ZNF536: variants seen among roughly 807,000 people sequenced by gnomAD.
ZNF536 encodes zinc finger protein 536.
Under a neutral mutation model 84.5 loss-of-function variants are expected in ZNF536, and 13 were observed. The observed-to-expected ratio is 0.15, with a 90% CI of 0.10 to 0.24. The LOEUF (loss-of-function observed/expected upper bound fraction) is 0.24. Ranked by LOEUF, ZNF536 falls within the 10% of genes least tolerant of loss-of-function variation. ZNF536 has a pLI of 1.00. For missense variants in ZNF536, 1,536 were observed against 1,747.5 expected (o/e 0.88, Z 2.16); for synonymous variants, 811 against 742.5 (o/e 1.09, Z -1.50).
rs1246164991 is a variant in ZNF536 at position 30,636,972 on chromosome 19, T to G, written c.170-73785T>G. ...CTCCTGGGCTGGATCCTTTCTGGAG[T>G]TCTTTGGGCTCTCCCACATCTCTAG... On this transcript the variant is annotated intron_variant, in intron 1 of 1. Coordinates refer to the ZNF536 transcript ENST00000592773. 2.6e-5 allele frequency among the ~76,000 whole-genome samples: 4 copies of G among 151,932 alleles called. No individual in the cohort carries two copies. In the East Asian group the frequency reaches 7.7e-4, roughly 29 times the overall value.
At chr19:30,622,101 G>C (rs1434262363) in intron 1 of ZNF536, among the ~76,000 whole-genome samples, 1 of 152,226 alleles carries the variant, frequency 6.6e-6, no homozygotes, top group East Asian at 1.9e-4. Flanking sequence ...GCAAGAGAGA[G>C]AGTTAGTTAT....
At chr19:30,328,956 G>T (rs1456730643) in intron 2 of ZNF536, among the ~76,000 whole-genome samples, 1 of 152,208 alleles carries the variant, frequency 6.6e-6, no homozygotes, top group African/African-American at 2.4e-5. Context: ...GAATTTTGCG[G>T]CATCATCAGA....
chr19:30,446,384 C>T (rs868780806), intron 2 of ZNF536, among the ~76,000 whole-genome samples: 9 of 151,944 alleles, frequency 5.9e-5, no homozygotes, highest in Admixed American at 1.3e-4. Context: ...CCCATTTCAC[C>T]GCCTGACGCT....
intron 2 of ZNF536, among the ~76,000 whole-genome samples, chr19:30,468,593 G>T (rs1339263947): frequency 6.6e-6 from 1 of 152,156 alleles, no homozygotes; most frequent in African/African-American, 2.4e-5. Flanking sequence ...TGGTGGTATG[G>T]ACTCTGCAGG....
intron 1 of ZNF536, among the ~76,000 whole-genome samples, chr19:30,280,288 A>C (rs191368083): frequency 6.9e-6 from 1 of 145,912 alleles, no homozygotes; most frequent in Non-Finnish European, 1.5e-5. Context: ...CCATTTTTGC[A>C]TCCATCTTCA....
In ZNF536 at chr19:30,495,840, C is replaced by A. The variant is rs2054697232; in HGVS notation, c.2171-39007C>A. On this transcript the variant is annotated intron_variant, in intron 2 of 4. Transcript: ENST00000355537. The stretch of plus-strand genomic sequence containing the variant: ...AGACACAACGCAGGGAAAGTCACAG[C>A]AAGAGACTCCAGTAGAGGCCGGGGA... Among the ~76,000 whole-genome samples, 5 of 152,148 alleles carry A rather than the reference C, an allele frequency of 3.3e-5. No individual in the cohort carries two copies. In the South Asian group the frequency reaches 1.0e-3, roughly 32 times the overall value.
chr19:30,563,783 G>C (rs1338068429), intron 1 of ZNF536, among the ~76,000 whole-genome samples: 2 of 152,168 alleles, frequency 1.3e-5, no homozygotes, highest in East Asian at 1.9e-4. Flanking sequence ...ACACAGGAGG[G>C]AGAGGTGCTG....
intron 2 of ZNF536, among the ~76,000 whole-genome samples, chr19:30,284,621 G>C (rs2045566842): frequency 6.6e-6 from 1 of 152,238 alleles, no homozygotes; most frequent in African/African-American, 2.4e-5. Context: ...GCAAACTCCT[G>C]ACGGGGTGTA....
intron 2 of ZNF536, among the ~76,000 whole-genome samples, chr19:30,482,051 A>G (rs1008451252): frequency 4.6e-5 from 7 of 152,158 alleles, no homozygotes; most frequent in Non-Finnish European, 4.4e-5. Context: ...CATTACCTTT[A>G]TACTTTCGTT....
At chr19:30,609,028 A>T (rs2047998405) in intron 1 of ZNF536, among the ~76,000 whole-genome samples, 1 of 152,208 alleles carries the variant, frequency 6.6e-6, no homozygotes. Context: ...GTTCACTACA[A>T]CATGGTAACT....
rs1180201847 is a variant in ZNF536, at chr19:30,408,673, G to A, written c.-2-34888G>A. Among the ~76,000 whole-genome samples the A allele has an allele frequency of 5.9e-5, 9 of 152,056 alleles. No individual in the cohort carries two copies. In the East Asian group the frequency reaches 1.7e-3, roughly 29 times the overall value. ...AATCTGCTTTTGTTTTATTCCTTTG[G>A]TTGTTAGTAATTAGTTATTCATCCA... On this transcript the variant is annotated intron_variant, in intron 1 of 4. Coordinates refer to ENST00000355537, the MANE Select transcript of ZNF536 (RefSeq NM_014717.3).
chr19:30,411,947 T>C (rs1280110386), intron 1 of ZNF536, among the ~76,000 whole-genome samples: 1 of 152,100 alleles, frequency 6.6e-6, no homozygotes, highest in Non-Finnish European at 1.5e-5. Context: ...TTTTATGCCC[T>C]TTTGTAAAGT....
intron 2 of ZNF536, among the ~76,000 whole-genome samples, chr19:30,483,171 C>T (rs2054156792): frequency 6.6e-6 from 1 of 152,142 alleles, no homozygotes; most frequent in Non-Finnish European, 1.5e-5. Flanking sequence ...TTTGTTTTCT[C>T]CTGTGCATCT....
intron 2 of ZNF536, among the ~76,000 whole-genome samples, chr19:30,312,115 C>T (rs1317109856): frequency 6.6e-6 from 1 of 152,156 alleles, no homozygotes; most frequent in Admixed American, 6.5e-5. Context: ...AGTCTCACTT[C>T]CCATCACTGG....
chr19:30,709,006 A>G (rs1230499013), intron 1 of ZNF536, among the ~76,000 whole-genome samples: 1 of 152,158 alleles, frequency 6.6e-6, no homozygotes, highest in Non-Finnish European at 1.5e-5. Context: ...GTGAAACAGC[A>G]CATGAGAGCT....
intron 1 of ZNF536, among the ~76,000 whole-genome samples, chr19:30,611,105 G>C (rs529300471): frequency 1.3e-5 from 2 of 152,276 alleles, no homozygotes; most frequent in East Asian, 3.9e-4. Context: ...GTTAGGAGAG[G>C]GGGAGACCAG....
chr19:30,478,893 T>C (rs2053959747), intron 2 of ZNF536, among the ~76,000 whole-genome samples: 1 of 152,056 alleles, frequency 6.6e-6, no homozygotes, highest in Non-Finnish European at 1.5e-5. Context: ...CTGTGTAGGC[T>C]CAGAGGGGCT....
At chr19:30,570,149 T>C (rs1458184677) in intron 1 of ZNF536, among the ~76,000 whole-genome samples, 1 of 152,186 alleles carries the variant, frequency 6.6e-6, no homozygotes, top group Non-Finnish European at 1.5e-5. Flanking sequence ...GAACCAGGCC[T>C]CTCAGTGAAA....
At chr19:30,614,291 A>G (rs1443093178) in intron 1 of ZNF536, among the ~76,000 whole-genome samples, 1 of 152,124 alleles carries the variant, frequency 6.6e-6, no homozygotes, top group African/African-American at 2.4e-5. Context: ...ATAATTGTGG[A>G]GATTTCCTAG....
Sources: gnomAD v4.1 joint callset for allele counts (sites outside exome capture counted in the v4.1 genomes callset) on GRCh38, gnomAD v4.1.1 for gene constraint, MANE v1.5 for transcripts, NCBI Gene and HGNC (gene_info 2026-07-23, HGNC 2026-07-21) for gene names.